The following ATP2B4 variants were observed in gnomAD, a reference collection of about 807,000 sequenced individuals.
ATP2B4 encodes ATPase plasma membrane Ca2+ transporting 4.
A neutral mutation model predicts 110.3 loss-of-function variants in ATP2B4; 39 were observed. The observed-to-expected ratio is 0.35, with a 90% CI of 0.27 to 0.46. ATP2B4 has a LOEUF of 0.46. ATP2B4 is among the 20% of genes least tolerant of loss of function. ATP2B4 has a pLI of 1.00. For synonymous variants in ATP2B4, 538 were observed against 571.7 expected (o/e 0.94, Z 0.84); for missense variants, 1,135 against 1,530.9 (o/e 0.74, Z 4.32).
rs779826169 is a variant in ATP2B4 at position 203,699,542 on chromosome 1, A to C, written c.474A>C (p.Ser158=). The C allele has an allele frequency of 2.4e-5, 38 of 1,614,026 alleles. No individual in the cohort carries two copies. The highest frequency in any genetic ancestry group is 3.1e-5 in the Non-Finnish European group (37 of 1,180,016). The part of the protein sequence containing the change: ...GWIEGAAILF[S]VIIVVLVTAF... ...TTGAGGGGGCAGCCATCCTTTTCTC[A>C]GTGATCATCGTGGTGTTAGTGACTG... The change falls in exon 4 of 21, where the codon TCA becomes TCC. Residue 158 remains serine, a synonymous_variant. Coordinates refer to ENST00000357681, the MANE Select transcript of ATP2B4 (RefSeq NM_001684.5).
Position 203,683,054 on chromosome 1 carries a change from A to T in ATP2B4, c.-152A>T. ...ACTTCGGACGGCTACTCGGGAGCTTATTGCACAAGATATATTCAATCTATT... is the reference window on the plus strand; with the variant it reads ...ACTTCGGACGGCTACTCGGGAGCTTTTTGCACAAGATATATTCAATCTATT... On this transcript the variant is annotated 5_prime_UTR_variant, in exon 2 of 21. Coordinates refer to ENST00000357681, the MANE Select transcript of ATP2B4 (RefSeq NM_001684.5). 1.3e-6 allele frequency: 1 copy of T among 786,662 alleles called. No individual in the cohort carries two copies. The highest frequency in any genetic ancestry group is 2.0e-6 in the Non-Finnish European group (1 of 506,444). 48.7% of individuals were successfully genotyped at this position (786,662 alleles called of 1,614,324 possible). A position where few individuals can be genotyped will look rare whatever the true frequency, so the allele number is the denominator to read the frequency against.
At chr1:203,713,890 A>G (rs937797594) in intron 14 of ATP2B4, among the ~76,000 whole-genome samples, 1 of 152,140 alleles carries the variant, frequency 6.6e-6, no homozygotes, top group African/African-American at 2.4e-5. Flanking sequence ...AACTTACCCA[A>G]ATTACCCAGC....
rs1384256672 is a variant in ATP2B4 at position 203,720,635 on chromosome 1, G to A, written c.2493G>A (p.Met831Ile). The change falls in exon 16 of 21, where the codon ATG becomes ATA. Residue 831 changes from methionine (M) to isoleucine (I), a missense_variant. This residue lies in a region of ATP2B4 where 70 missense variants were observed against 142.4 expected (regional missense o/e 0.49). Transcript: ENST00000357681. ...DNFTSIVKAV[M>I]WGRNVYDSIS... The stretch of plus-strand genomic sequence containing the variant: ...TCACCAGCATTGTGAAGGCAGTGAT[G>A]TGGGGACGAAATGTCTATGACAGCA... 3.7e-6 allele frequency: 6 copies of A among 1,614,140 alleles called. No individual in the cohort carries two copies. Among genetic ancestry groups the A allele is most frequent in the East Asian group, 2.2e-5 (1 of 44,884 alleles).
Position 203,740,549 on chromosome 1 carries a change from T to C in ATP2B4, c.*695T>C, listed in dbSNP as rs1229316907. ...GGCCCAAAAGAACCCTTGATTTAGT[T>C]CCAGAATCCAACCAGTTTCTTTGTT... is the stretch of plus-strand genomic sequence containing the variant. On this transcript the variant is annotated 3_prime_UTR_variant, in exon 21 of 21. Transcript: ENST00000357681. The C allele has an allele frequency of 6.6e-6, 1 of 152,058 alleles. No homozygotes were observed. Among genetic ancestry groups the C allele is most frequent in the Admixed American group, 6.6e-5 (1 of 15,260 alleles). 9.4% of individuals were successfully genotyped at this position (152,058 alleles called of 1,614,324 possible). A position where few individuals can be genotyped will look rare whatever the true frequency, so the allele number is the denominator to read the frequency against.
chr1:203,735,002 C>CAAAAAAAAAAAAAAAAA (rs35552196), intron 20 of ATP2B4, among the ~76,000 whole-genome samples: 2 of 57,132 alleles, frequency 3.5e-5, no homozygotes, highest in Admixed American at 2.7e-4. Context: ...GACTCCATCT[C>CAAAAAAAAAAAAAAAAA]AAAAAAAAAA....
In ATP2B4 at chr1:203,629,262, G is replaced by A. The variant is rs112290876; in HGVS notation, c.-465+2043G>A. Among the ~76,000 whole-genome samples the A allele has an allele frequency of 1.9e-3, 284 of 152,312 alleles. 1 individual carries two copies. The highest frequency in any genetic ancestry group is 6.5e-3 in the African/African-American group (271 of 41,570). ...CCCCCAAGACAGAATTAATGCCCGT[G>A]TTCTGGAGGGAGGGGATCCATTTCT... On this transcript the variant is annotated intron_variant, in intron 1 of 20. Transcript: ENST00000357681. The surrounding 1 kb of genome is among the most constrained non-coding windows in gnomAD (Gnocchi z 4.6).
At chr1:203,724,456 G>T (rs932719405) in intron 19 of ATP2B4, among the ~76,000 whole-genome samples, 7 of 152,022 alleles carry the variant, frequency 4.6e-5, no homozygotes, top group Non-Finnish European at 1.0e-4. Flanking sequence ...GGTGGAGCTT[G>T]CAGTGAGCCG....
intron 11 of ATP2B4, among the ~76,000 whole-genome samples, chr1:203,710,065 T>C (rs1248312988): frequency 6.6e-6 from 1 of 152,170 alleles, no homozygotes; most frequent in African/African-American, 2.4e-5. Flanking sequence ...GGAATTTACA[T>C]AACTTTAAAA....
At chr1:203,647,239 G>A (rs1663827918) in intron 1 of ATP2B4, among the ~76,000 whole-genome samples, 1 of 151,736 alleles carries the variant, frequency 6.6e-6, no homozygotes, top group Non-Finnish European at 1.5e-5. Context: ...GACCAGTCTG[G>A]GCAACTTAGT....
At chr1:203,683,489 G>A in intron 2 of ATP2B4, 91 bp downstream of exon 2, 1 of 1,341,250 alleles carries the variant, frequency 7.5e-7, no homozygotes, top group Non-Finnish European at 1.0e-6. Context: ...GCACATTTCT[G>A]GAGGCCCAGC....
intron 1 of ATP2B4, chr1:203,657,187 A>C (rs1664187566): frequency 1.3e-6 from 1 of 785,472 alleles, no homozygotes; most frequent in Admixed American, 2.0e-5. Context: ...GGTGGCTTTC[A>C]GTTCAAGATG....
At chr1:203,639,768 C>A (rs1663570298) in intron 1 of ATP2B4, among the ~76,000 whole-genome samples, 1 of 152,212 alleles carries the variant, frequency 6.6e-6, no homozygotes, top group South Asian at 2.1e-4. Context: ...TTACCATCCC[C>A]TGCTTATATC....
At position 203,683,369 on chromosome 1, in the gene ATP2B4, G is replaced by T. The variant is rs1290967848; in HGVS notation, c.164G>T (p.Cys55Phe). The part of the protein sequence containing the change: ...NVHYGGVQNL[C>F]SRLKTSPVEG... ...CACTATGGAGGTGTACAGAATCTCT[G>T]CAGTAGACTGAAAACCTCCCCTGTG... The change falls in exon 2 of 21, where the codon TGC becomes TTC. Residue 55 changes from cysteine to phenylalanine, a missense_variant. Cys to Phe is a radical substitution (Grantham distance 205). Around this residue, in one of 9 missense-constraint regions of ATP2B4, gnomAD observed 122 missense variants for 125.2 expected, o/e 0.97. Coordinates refer to ENST00000357681, the MANE Select transcript of ATP2B4 (RefSeq NM_001684.5). 1.2e-6 allele frequency: 2 copies of T among 1,613,024 alleles called. No individual in the cohort carries two copies. Among genetic ancestry groups the T allele is most frequent in the East Asian group, 4.5e-5 (2 of 44,832 alleles).
chr1:203,630,515 G>A (rs1006417445), intron 1 of ATP2B4, among the ~76,000 whole-genome samples: 2 of 151,934 alleles, frequency 1.3e-5, no homozygotes, highest in African/African-American at 4.8e-5. Flanking sequence ...TCCCCAGAAT[G>A]ACCAAGACAA....
intron 1 of ATP2B4, among the ~76,000 whole-genome samples, chr1:203,664,669 G>A (rs917623670): frequency 6.6e-6 from 1 of 152,092 alleles, no homozygotes; most frequent in South Asian, 2.1e-4. Flanking sequence ...GGCCCCACGG[G>A]GCTGGCCACT....
At chr1:203,652,707 C>T (rs1359071749) in intron 1 of ATP2B4, among the ~76,000 whole-genome samples, 1 of 152,008 alleles carries the variant, frequency 6.6e-6, no homozygotes, top group Non-Finnish European at 1.5e-5. Flanking sequence ...GATTTGTGAT[C>T]AGTGATTTTT....
chr1:203,702,533 G>A (rs1665725937), intron 7 of ATP2B4, among the ~76,000 whole-genome samples: 1 of 152,142 alleles, frequency 6.6e-6, no homozygotes, highest in Non-Finnish European at 1.5e-5. Flanking sequence ...TCCCTTCTCT[G>A]CTGGTCTTCT....
chr1:203,662,515 A>G (rs1664371217), intron 1 of ATP2B4, among the ~76,000 whole-genome samples: 1 of 152,146 alleles, frequency 6.6e-6, no homozygotes, highest in Non-Finnish European at 1.5e-5. Context: ...TCCTGTCTCT[A>G]TGAATTTGCC....
chr1:203,674,723 C>A (rs978624296), intron 1 of ATP2B4, among the ~76,000 whole-genome samples: 1 of 140,290 alleles, frequency 7.1e-6, no homozygotes, highest in Non-Finnish European at 1.5e-5. Flanking sequence ...ATGGCACAGT[C>A]TTGGCTCACT....
Sources: allele counts gnomAD v4.1 joint callset (sites outside exome capture counted in the v4.1 genomes callset), GRCh38; gene constraint gnomAD v4.1.1; regional missense constraint gnomAD v4.1.1; non-coding constraint Gnocchi (gnomAD v3.1); transcripts MANE v1.5; gene names NCBI Gene and HGNC (gene_info 2026-07-23, HGNC 2026-07-21).